The following GAN variants were observed in gnomAD, a reference collection of about 807,000 sequenced individuals.
GAN encodes epididymis secretory sperm binding protein.
A neutral mutation model predicts 71.3 loss-of-function variants in GAN; 48 were observed. The observed-to-expected ratio is 0.67, with a 90% CI of 0.53 to 0.86. The LOEUF is 0.86. Among genes scored for constraint, GAN ranks in the 40% least tolerant of loss-of-function variants. GAN has a pLI of 0.00. For synonymous variants in GAN, 386 were observed against 276.8 expected (o/e 1.39, Z -3.92); for missense variants, 928 against 770.1 (o/e 1.21, Z -2.43).
At chr16:81,351,556 A>T (rs1398569484) in intron 1 of GAN, 27 bp from the exon 2 acceptor site, 3 of 916,434 alleles carry the variant, frequency 3.3e-6, no homozygotes, top group Non-Finnish European at 5.5e-6. Flanking sequence ...CTTTCATAGA[A>T]ATTTTACATT....
chr16:81,315,860 C>T lies in GAN; in HGVS notation c.167+580C>T, dbSNP rs530925224. On this transcript the variant is annotated intron_variant, in intron 1 of 10. Transcript: ENST00000648994. Reference sequence around the variant, plus strand: ...AGGCAGAGAAAACCCTCTCGATGTTCTCCTTGGGTTGGTAGTCCGAACCTC... The same window carrying T: ...AGGCAGAGAAAACCCTCTCGATGTTTTCCTTGGGTTGGTAGTCCGAACCTC... 5.3e-5 allele frequency among the ~76,000 whole-genome samples: 8 copies of T among 152,374 alleles called. No individual in the cohort carries two copies. In the East Asian group the frequency reaches 1.5e-3, roughly 29 times the overall value.
intron 7 of GAN, among the ~76,000 whole-genome samples, chr16:81,364,500 G>A (rs1458272920): frequency 6.6e-6 from 1 of 152,006 alleles, no homozygotes; most frequent in Non-Finnish European, 1.5e-5. Context: ...CTCTTAGGCT[G>A]AAGCGATCCC....
rs1354257591 is a variant in GAN at position 81,382,648 on chromosome 16, T to G, written c.*5052T>G. On this transcript the variant is annotated 3_prime_UTR_variant, in exon 11 of 11. Transcript: ENST00000648994. ...TGTAGTTTTGAGAAATTACAGAAAT[T>G]CATAGTATAAGGATGAGAAGGGGCC... 6.6e-6 allele frequency: 1 copy of G among 152,210 alleles called. No homozygotes were observed. Among genetic ancestry groups the G allele is most frequent in the Admixed American group, 6.5e-5 (1 of 15,290 alleles). The allele number at this position is 152,210 out of a possible 1,614,324, so 9.4% of individuals were successfully genotyped here.
At chr16:81,345,300 A>G (rs1910081492) in intron 1 of GAN, among the ~76,000 whole-genome samples, 1 of 152,228 alleles carries the variant, frequency 6.6e-6, no homozygotes, top group Non-Finnish European at 1.5e-5. Context: ...ACACATGCAC[A>G]CATATGTTTG....
At chr16:81,357,695 A>AG in intron 4 of GAN, 115 bp from the exon 5 acceptor site, 1 of 1,011,608 alleles carries the variant, frequency 9.9e-7, no homozygotes, top group Non-Finnish European at 1.6e-6. Context: ...GACTTCCACA[A>AG]GGGTTTTTAA....
intron 1 of GAN, among the ~76,000 whole-genome samples, chr16:81,344,229 G>T (rs990121463): frequency 6.6e-6 from 1 of 152,082 alleles, no homozygotes; most frequent in Non-Finnish European, 1.5e-5. Flanking sequence ...TCAAGCTGCC[G>T]CTGACTTTCT....
At chr16:81,327,910 C>T (rs192657081) in intron 1 of GAN, among the ~76,000 whole-genome samples, 6 of 152,306 alleles carry the variant, frequency 3.9e-5, no homozygotes, top group African/African-American at 1.4e-4. Context: ...AAATCTAGAA[C>T]TGTTTGACAG....
intron 1 of GAN, among the ~76,000 whole-genome samples, chr16:81,350,956 A>G (rs771166782): frequency 1.0e-4 from 16 of 152,388 alleles, no homozygotes; most frequent in Non-Finnish European, 2.4e-4. Context: ...AGAAAGAACT[A>G]AAGAACCAGT....
intron 1 of GAN, among the ~76,000 whole-genome samples, chr16:81,327,792 C>T (rs907067009): frequency 2.7e-5 from 4 of 150,452 alleles, no homozygotes; most frequent in African/African-American, 1.0e-4. Flanking sequence ...TGTAAGAGTG[C>T]TCCCCAAAGT....
At chr16:81,316,858 GTGTTT>G (rs892702600) in intron 1 of GAN, among the ~76,000 whole-genome samples, 8 of 152,106 alleles carry the variant, frequency 5.3e-5, no homozygotes, top group African/African-American at 1.7e-4. Context: ...TGAGGTCGTG[GTGTTT>G]TGTTTTGTTT....
intron 1 of GAN, among the ~76,000 whole-genome samples, chr16:81,326,651 A>T (rs1191151705): frequency 6.6e-6 from 1 of 152,258 alleles, no homozygotes; most frequent in Admixed American, 6.5e-5. Context: ...CGAATATCAC[A>T]GAGTGTACAA....
At chr16:81,353,215 C>A (rs1294095846) in intron 2 of GAN, among the ~76,000 whole-genome samples, 1 of 151,120 alleles carries the variant, frequency 6.6e-6, no homozygotes, top group East Asian at 2.0e-4. Context: ...GGCGTGAACC[C>A]CAGGGGGCGG....
chr16:81,320,206 G>C (rs759575233), intron 1 of GAN, among the ~76,000 whole-genome samples: 1 of 152,138 alleles, frequency 6.6e-6, no homozygotes, highest in Non-Finnish European at 1.5e-5. Context: ...GAGACTAATA[G>C]GATCTCTGTA....
chr16:81,356,857 C>G lies in GAN; in HGVS notation c.706C>G (p.Leu236Val), dbSNP rs1234737449. 6.2e-7 allele frequency: 1 copy of G among 1,613,472 alleles called. No homozygotes were observed. Among genetic ancestry groups the G allele is most frequent in the Non-Finnish European group, 8.5e-7 (1 of 1,179,432 alleles). Residue 236 changes from leucine (L) to valine (V), a missense_variant, in exon 4 of 11, where the codon CTG becomes GTG. Leu to Val is a conservative substitution (Grantham distance 32, BLOSUM62 1). Transcript: ENST00000648994. ...CTCCAGTTATTTACGGGAACAGATG[C>G]TGAATGAACCATTAGTACGAGAAAT... ...LDSSYLREQM[L>V]NEPLVREIVK... is the part of the protein sequence containing the mutation.
chr16:81,374,740 G>A (rs1450165021), intron 9 of GAN, among the ~76,000 whole-genome samples: 2 of 152,198 alleles, frequency 1.3e-5, no homozygotes, highest in Non-Finnish European at 2.9e-5. Flanking sequence ...TGGCACGACA[G>A]GATGCCCCAG....
intron 6 of GAN, 90 bp from the exon 7 acceptor site, chr16:81,363,704 T>G: frequency 7.4e-7 from 1 of 1,354,068 alleles, no homozygotes. Context: ...GCCATCTTTA[T>G]GTTTCTCTAA....
At chr16:81,350,035 G>A (rs963870096) in intron 1 of GAN, among the ~76,000 whole-genome samples, 3 of 151,826 alleles carry the variant, frequency 2.0e-5, no homozygotes, top group Admixed American at 6.6e-5. Flanking sequence ...AGCATTGACC[G>A]AAAAATTGTT....
chr16:81,316,121 C>G (rs960972397), intron 1 of GAN, among the ~76,000 whole-genome samples: 3 of 152,154 alleles, frequency 2.0e-5, no homozygotes, highest in Non-Finnish European at 2.9e-5. Context: ...AGTGCTTATA[C>G]AAGTGTATCA....
rs1284030861 is a variant in GAN at position 81,365,441 on chromosome 16, A to T, written c.1465A>T (p.Thr489Ser). Residue 489 changes from threonine (T) to serine (S), a missense_variant, in exon 9 of 11, where the codon ACT (threonine) becomes TCT (serine). Coordinates refer to ENST00000648994, the MANE Select transcript of GAN (RefSeq NM_022041.4). The stretch of plus-strand genomic sequence containing the variant: ...GGACGCCCAGGGTAGCGAGATGGTA[A>T]CTTGCAAGTCCGAGTTCTACCATGA... The part of the protein sequence containing the change: ...REDAQGSEMV[T>S]CKSEFYHDEF... 6.2e-7 allele frequency: 1 copy of T among 1,613,766 alleles called. No individual in the cohort carries two copies.
Sources: gnomAD v4.1 joint callset for allele counts (sites outside exome capture counted in the v4.1 genomes callset) on GRCh38, gnomAD v4.1.1 for gene constraint, MANE v1.5 for transcripts, NCBI Gene and HGNC (gene_info 2026-07-23, HGNC 2026-07-21) for gene names.